The following ARHGAP12 variants were observed in gnomAD, a reference collection of about 807,000 sequenced individuals.
The protein encoded by ARHGAP12 is rho GTPase-activating protein 12.
Under a neutral mutation model 108.6 loss-of-function variants are expected in ARHGAP12, and 64 were observed. That is an observed-to-expected ratio of 0.59 (90% CI 0.48 to 0.73). The LOEUF is 0.73. ARHGAP12 is among the 30% of genes least tolerant of loss of function. The pLI, the probability that ARHGAP12 is intolerant of heterozygous loss-of-function variation, is 0.00. For missense variants in ARHGAP12, 940 were observed against 1,005.9 expected (o/e 0.93, Z 0.89); for synonymous variants, 312 against 337.2 (o/e 0.93, Z 0.82).
intron 3 of ARHGAP12, among the ~76,000 whole-genome samples, chr10:31,865,076 G>A (rs1046384242): frequency 6.6e-6 from 1 of 152,188 alleles, no homozygotes; most frequent in Admixed American, 6.5e-5. Flanking sequence ...TACTGAGTAT[G>A]TAAAAGGAGC....
Position 31,814,893 on chromosome 10 carries a change from G to A in ARHGAP12, c.1732-532C>T, listed in dbSNP as rs189343640. On this transcript the variant is annotated intron_variant, in intron 13 of 19. Transcript: ENST00000344936. ...AAGACTTTGGGAGGCCAAGGCAGGC[G>A]AATCACCTGAGGTTATGAGATTGAG... Among the ~76,000 whole-genome samples the A allele has an allele frequency of 7.4e-4, 113 of 152,072 alleles. No individual in the cohort carries two copies. The East Asian group carries it at 9.1e-3, about 12-fold the overall frequency.
At position 31,869,531 on chromosome 10, in the gene ARHGAP12, T is replaced by G. The variant is rs372453201; in HGVS notation, c.685-7873A>C. ...CAGCCTGGGTAACAGAGCGAGACTC[T>G]GTCTCAAAAACAAACAAACAAACAA... On this transcript the variant is annotated intron_variant, in intron 3 of 19. Coordinates refer to ENST00000344936, the MANE Select transcript of ARHGAP12 (RefSeq NM_018287.7). Among the ~76,000 whole-genome samples the G allele has an allele frequency of 7.9e-4, 116 of 146,248 alleles. 1 individual carries two copies. The highest frequency in any genetic ancestry group is 2.9e-3 in the African/African-American group (115 of 39,252).
At chr10:31,874,709 C>T (rs1239771817) in intron 3 of ARHGAP12, among the ~76,000 whole-genome samples, 3 of 152,116 alleles carry the variant, frequency 2.0e-5, no homozygotes, top group Admixed American at 6.5e-5. Context: ...TGCAGTGGCT[C>T]ATGCCTGTAA....
At chr10:31,828,533 C>T (rs1396026893) in intron 10 of ARHGAP12, among the ~76,000 whole-genome samples, 1 of 152,072 alleles carries the variant, frequency 6.6e-6, no homozygotes, top group Non-Finnish European at 1.5e-5. Flanking sequence ...CCTATTTCCA[C>T]TTTAAGTAAG....
At position 31,809,216 on chromosome 10, in the gene ARHGAP12, A is replaced by G. The variant is rs1289466710; in HGVS notation, c.2128+14T>C. 3 of 1,613,642 alleles carry G rather than the reference A, an allele frequency of 1.9e-6. No individual in the cohort carries two copies. The highest frequency in any genetic ancestry group is 2.5e-6 in the Non-Finnish European group (3 of 1,179,752). On this transcript the variant is annotated intron_variant, in intron 17 of 19. Coordinates refer to ENST00000344936, the MANE Select transcript of ARHGAP12 (RefSeq NM_018287.7). The stretch of plus-strand genomic sequence containing the variant: ...AGTGATGCATCTGAATAACAACAGT[A>G]AATATAATCTTACCATGATTGACTG...
intron 10 of ARHGAP12, among the ~76,000 whole-genome samples, chr10:31,830,045 A>T (rs888221416): frequency 6.6e-6 from 1 of 152,240 alleles, no homozygotes; most frequent in African/African-American, 2.4e-5. Flanking sequence ...CTTCTCATGG[A>T]AATTTTTTGT....
At chr10:31,863,077 T>C (rs1401933344) in intron 3 of ARHGAP12, among the ~76,000 whole-genome samples, 1 of 152,182 alleles carries the variant, frequency 6.6e-6, no homozygotes, top group Non-Finnish European at 1.5e-5. Flanking sequence ...CAAATACATG[T>C]TTGTGAAATG....
At chr10:31,883,362 A>C (rs1320939815) in intron 3 of ARHGAP12, among the ~76,000 whole-genome samples, 1 of 152,236 alleles carries the variant, frequency 6.6e-6, no homozygotes, top group Non-Finnish European at 1.5e-5. Flanking sequence ...ATTTGCTTCA[A>C]ATTTTAGTTC....
intron 3 of ARHGAP12, among the ~76,000 whole-genome samples, chr10:31,885,922 G>A (rs1838172523): frequency 6.6e-6 from 1 of 151,456 alleles, no homozygotes; most frequent in Non-Finnish European, 1.5e-5. Flanking sequence ...AGAATCTTTT[G>A]TAGATTCTGT....
chr10:31,916,364 A>G (rs1839556724), intron 1 of ARHGAP12, among the ~76,000 whole-genome samples: 1 of 151,944 alleles, frequency 6.6e-6, no homozygotes, highest in Non-Finnish European at 1.5e-5. Flanking sequence ...ACGCCTGCTT[A>G]TATATTTTAC....
chr10:31,902,345 G>GA (rs1161326097), intron 3 of ARHGAP12, among the ~76,000 whole-genome samples: 1 of 139,764 alleles, frequency 7.2e-6, no homozygotes, highest in Non-Finnish European at 1.6e-5. Context: ...AAAAAAAAAA[G>GA]AATCTTGATC....
At chr10:31,865,656 A>G (rs1837294469) in intron 3 of ARHGAP12, among the ~76,000 whole-genome samples, 1 of 152,068 alleles carries the variant, frequency 6.6e-6, no homozygotes. Context: ...CCGGTGGATC[A>G]CGAGGTCAGG....
intron 1 of ARHGAP12, among the ~76,000 whole-genome samples, chr10:31,918,772 T>C (rs1839669773): frequency 6.6e-6 from 1 of 152,336 alleles, no homozygotes; most frequent in Middle Eastern, 3.4e-3. Context: ...AAAACTCTTG[T>C]GCACTGCTGG....
At chr10:31,818,345 A>G (rs1343119973) in intron 12 of ARHGAP12, among the ~76,000 whole-genome samples, 1 of 152,196 alleles carries the variant, frequency 6.6e-6, no homozygotes, top group South Asian at 2.1e-4. Context: ...AATATTTCCT[A>G]CTTTGTAGGT....
chr10:31,927,785 C>G (rs1365949911), intron 1 of ARHGAP12, among the ~76,000 whole-genome samples: 1 of 152,334 alleles, frequency 6.6e-6, no homozygotes, highest in Non-Finnish European at 1.5e-5. Flanking sequence ...GCCTTTTTCT[C>G]TAACGAAGAC....
chr10:31,924,798 G>C (rs1839962374), intron 1 of ARHGAP12, among the ~76,000 whole-genome samples: 1 of 152,024 alleles, frequency 6.6e-6, no homozygotes, highest in South Asian at 2.1e-4. Flanking sequence ...CCATTTATCA[G>C]CTCTCAGGAC....
chr10:31,859,324 A>G (rs72771487), intron 4 of ARHGAP12, among the ~76,000 whole-genome samples: 13,826 of 152,320 alleles, frequency 0.091, 764 homozygotes, highest in Middle Eastern at 0.13. Flanking sequence ...TGGGTCTAAC[A>G]CTGGGGATTC....
rs747624562 is a variant in ARHGAP12 at position 31,809,139 on chromosome 10, G to A, written c.2129-11C>T. On this transcript the variant is annotated splice_polypyrimidine_tract_variant and intron_variant, in intron 17 of 19. Transcript: ENST00000344936. ...AGTCCAATTTCTCATCTGAAAAACA[G>A]CAGGAATTGGACATTTTAAAAAATT... 2.5e-6 allele frequency: 4 copies of A among 1,613,052 alleles called. No homozygotes were observed. The South Asian group carries it at 3.3e-5, about 13-fold the overall frequency.
rs76452293 is a variant in ARHGAP12, at chr10:31,851,739, A to AT, written c.1170+777dup. 4.5e-3 allele frequency among the ~76,000 whole-genome samples: 682 copies of AT among 152,254 alleles called. 28 individuals are homozygous for AT. In the East Asian group the frequency reaches 0.065, roughly 14 times the overall value. ...GTAGTCAATGTAGTAACATCTAGTC[A>AT]TTTTTTCTATATCCATGTTTCATTT... is the stretch of plus-strand genomic sequence containing the variant. On this transcript the variant is annotated intron_variant, in intron 6 of 19. Coordinates refer to ENST00000344936, the MANE Select transcript of ARHGAP12 (RefSeq NM_018287.7).
Sources: gnomAD v4.1 joint callset for allele counts (sites outside exome capture counted in the v4.1 genomes callset) on GRCh38, gnomAD v4.1.1 for gene constraint, MANE v1.5 for transcripts, NCBI Gene and HGNC (gene_info 2026-07-23, HGNC 2026-07-21) for gene names.